The following LRRTM4 variants were observed in gnomAD, a reference collection of about 807,000 sequenced individuals.
The protein encoded by LRRTM4 is leucine rich repeat transmembrane neuronal 4, also known as leucine-rich repeat transmembrane neuronal protein 4.
LRRTM4 carries 25 observed loss-of-function variants against 47.6 expected under a neutral mutation model. The observed-to-expected ratio is 0.53, with a 90% confidence interval of 0.38 to 0.73. The LOEUF is 0.73. Ranked by LOEUF, LRRTM4 falls within the 30% of genes least tolerant of loss-of-function variation. The pLI is 0.00. For missense variants in LRRTM4, 638 were observed against 713.4 expected, an observed-to-expected ratio of 0.89 and a Z score of 1.20; for synonymous variants, 311 against 269.5, an observed-to-expected ratio of 1.15 and a Z score of -1.51.
At chr2:77,072,167 GTTAAT>G (rs754749711) in intron 3 of LRRTM4, among the ~76,000 whole-genome samples, 11 of 152,182 alleles carry the variant, frequency 7.2e-5, no homozygotes, top group Admixed American at 3.3e-4. Flanking sequence ...AGTCTATGGT[GTTAAT>G]TTAAGATCCC....
intron 3 of LRRTM4, among the ~76,000 whole-genome samples, chr2:77,074,373 A>T (rs1397981011): frequency 6.6e-6 from 1 of 152,134 alleles, no homozygotes; most frequent in African/African-American, 2.4e-5. Context: ...ATTATTGTCC[A>T]CAGTCCCTTG....
chr2:77,178,620 T>A (rs1673265605), intron 3 of LRRTM4, among the ~76,000 whole-genome samples: 2 of 151,824 alleles, frequency 1.3e-5, no homozygotes, highest in South Asian at 4.2e-4. Context: ...CAACAACAAA[T>A]AATACTTTTT....
intron 3 of LRRTM4, among the ~76,000 whole-genome samples, chr2:76,797,018 G>GCAAA (rs1675370811): frequency 6.6e-6 from 1 of 152,096 alleles, no homozygotes; most frequent in East Asian, 1.9e-4. Flanking sequence ...TGGGGAGAAT[G>GCAAA]CAAACAAGTT....
chr2:77,128,730 C>T (rs1272003819), intron 3 of LRRTM4, among the ~76,000 whole-genome samples: 1 of 152,186 alleles, frequency 6.6e-6, no homozygotes, highest in African/African-American at 2.4e-5. Context: ...ACCTCCGCCT[C>T]CCGGGTTCAA....
chr2:77,009,756 A>C (rs1421786969), intron 3 of LRRTM4: 3 of 152,070 alleles, frequency 2.0e-5, no homozygotes, highest in Admixed American at 1.3e-4. Context: ...TGTTGTACTA[A>C]GCACACTTTC....
intron 3 of LRRTM4, among the ~76,000 whole-genome samples, chr2:77,167,794 C>T (rs1373247801): frequency 6.6e-6 from 1 of 151,886 alleles, no homozygotes; most frequent in South Asian, 2.1e-4. Context: ...ACACACTGGG[C>T]CTGTCATGGG....
At chr2:77,063,129 A>ATTTT (rs141643486) in intron 3 of LRRTM4, among the ~76,000 whole-genome samples, 140 of 147,954 alleles carry the variant, frequency 9.5e-4, no homozygotes, top group African/African-American at 3.3e-3. Context: ...TAATCTTTGT[A>ATTTT]TTTTTTTTTT....
At chr2:77,048,208 CGTAT>C (rs1265137373) in intron 3 of LRRTM4, among the ~76,000 whole-genome samples, 1 of 151,754 alleles carries the variant, frequency 6.6e-6, no homozygotes, top group Non-Finnish European at 1.5e-5. Flanking sequence ...ATGATATATA[CGTAT>C]GTATGTATGA....
rs569968326 is a variant in LRRTM4, at chr2:77,033,318, T to C, written c.1552-284402A>G. Among the ~76,000 whole-genome samples the C allele has an allele frequency of 2.9e-3, 435 of 149,522 alleles. 1 individual carries two copies. The highest frequency in any genetic ancestry group is 5.1e-3 in the Non-Finnish European group (343 of 67,774). On this transcript the variant is annotated intron_variant, in intron 3 of 3. Coordinates refer to ENST00000409884, the MANE Select transcript of LRRTM4 (RefSeq NM_001134745.3). ...ATGAAGACATTTATAGCTCACTAAA[T>C]GCCAAGTAAAGATTATTAAAAAAAT...
intron 3 of LRRTM4, among the ~76,000 whole-genome samples, chr2:76,836,062 C>A (rs767543351): frequency 2.0e-5 from 3 of 151,042 alleles, no homozygotes; most frequent in Non-Finnish European, 4.4e-5. Context: ...TGAGAGAAGT[C>A]AAAATAATCA....
At chr2:76,846,042 G>A (rs79111917) in intron 3 of LRRTM4, among the ~76,000 whole-genome samples, 2,008 of 152,150 alleles carry the variant, frequency 0.013, 75 homozygotes, top group East Asian at 0.1. Flanking sequence ...TAATTGGAGG[G>A]CCTGCTTTTC....
At chr2:76,973,004 C>G (rs78480408) in intron 3 of LRRTM4, among the ~76,000 whole-genome samples, 1 of 151,972 alleles carries the variant, frequency 6.6e-6, no homozygotes, top group African/African-American at 2.4e-5. Flanking sequence ...TTTTAAAAGA[C>G]TTTACCATTT....
intron 3 of LRRTM4, among the ~76,000 whole-genome samples, chr2:76,873,000 C>A (rs1672669810): frequency 6.6e-6 from 1 of 152,068 alleles, no homozygotes; most frequent in Non-Finnish European, 1.5e-5. Context: ...ATATTGATGC[C>A]ATGCTTCTTG....
chr2:77,276,637 G>A (rs1676363965), intron 3 of LRRTM4, among the ~76,000 whole-genome samples: 1 of 132,530 alleles, frequency 7.5e-6, no homozygotes, highest in Non-Finnish European at 1.6e-5. Flanking sequence ...ATAGCCTGAT[G>A]CAATCAATAG....
At chr2:76,774,927 T>C (rs1673896854) in intron 3 of LRRTM4, among the ~76,000 whole-genome samples, 2 of 152,334 alleles carry the variant, frequency 1.3e-5, no homozygotes, top group South Asian at 2.1e-4. Context: ...ATTTGTTTTC[T>C]GGCATTGCTT....
At chr2:77,063,309 G>A (rs1391735891) in intron 3 of LRRTM4, among the ~76,000 whole-genome samples, 1 of 152,002 alleles carries the variant, frequency 6.6e-6, no homozygotes, top group Non-Finnish European at 1.5e-5. Flanking sequence ...ATTGTGTCCA[G>A]GTTTTATATC....
intron 3 of LRRTM4, among the ~76,000 whole-genome samples, chr2:77,011,531 T>TTGCGTG (rs528405585): frequency 5.6e-5 from 8 of 144,046 alleles, no homozygotes; most frequent in Admixed American, 2.1e-4. Context: ...GAAGAAGCAT[T>TTGCGTG]TGTGTGTGTG....
At chr2:77,163,184 C>A (rs761408703) in intron 3 of LRRTM4, among the ~76,000 whole-genome samples, 3 of 152,058 alleles carry the variant, frequency 2.0e-5, no homozygotes, top group Non-Finnish European at 4.4e-5. Flanking sequence ...GACACATGCA[C>A]AAGCTTCGGT....
intron 3 of LRRTM4, among the ~76,000 whole-genome samples, chr2:76,843,046 C>A (rs187935625): frequency 2.6e-5 from 4 of 152,172 alleles, no homozygotes; most frequent in Non-Finnish European, 5.9e-5. Context: ...TTACACATTT[C>A]GGCTCTTTTT....
Sources: gnomAD v4.1 joint callset for allele counts (sites outside exome capture counted in the v4.1 genomes callset) on GRCh38, gnomAD v4.1.1 for gene constraint, MANE v1.5 for transcripts, NCBI Gene and HGNC (gene_info 2026-07-23, HGNC 2026-07-21) for gene names.